SNRPN: variants seen among roughly 807,000 people sequenced by gnomAD.
SNRPN encodes small nuclear ribonucleoprotein polypeptide N.
Under a neutral mutation model 25.2 loss-of-function variants are expected in SNRPN, and 7 were observed. The observed-to-expected ratio is 0.28, with a 90% CI of 0.16 to 0.52. The LOEUF is 0.52. Ranked by LOEUF, SNRPN falls within the 20% of genes least tolerant of loss-of-function variation. The pLI, the probability that SNRPN is intolerant of heterozygous loss-of-function variation, is 0.96. For missense variants in SNRPN, 196 were observed against 322.5 expected (o/e 0.61, Z 3.00); for synonymous variants, 124 against 110.6 (o/e 1.12, Z -0.76).
intron 3 of SNRPN, among the ~76,000 whole-genome samples, chr15:24,947,009 A>T (rs1019430098): frequency 9.9e-5 from 15 of 152,192 alleles, no homozygotes; most frequent in Middle Eastern, 3.4e-3. Context: ...CTGAATTTTT[A>T]ATTTTGTTAT....
intron 1 of SNRPN, among the ~76,000 whole-genome samples, chr15:24,865,957 T>C (rs372610394): frequency 6.6e-6 from 1 of 152,172 alleles, no homozygotes; most frequent in Non-Finnish European, 1.5e-5. Flanking sequence ...TTAATTCTCA[T>C]AGAGGAGTGT....
At chr15:24,851,427 G>A (rs759478120) in intron 2 of SNRPN, 2 of 152,828 alleles carry the variant, frequency 1.3e-5, no homozygotes, top group Non-Finnish European at 2.9e-5. Flanking sequence ...TCTGGAGAGC[G>A]TGGAGCAGTG....
At chr15:24,930,639 C>T (rs997115479) in intron 3 of SNRPN, among the ~76,000 whole-genome samples, 2 of 148,448 alleles carry the variant, frequency 1.3e-5, no homozygotes, top group African/African-American at 2.5e-5. Context: ...CGCCTGTAAT[C>T]CCAGTAAATC....
At chr15:24,909,600 CTA>C in intron 2 of SNRPN, 2 of 1,237,242 alleles carry the variant, frequency 1.6e-6, no homozygotes, top group East Asian at 4.6e-5. Context: ...GCTGTGCAGA[CTA>C]TCATATCCCC....
rs10626759 is a variant in SNRPN, at chr15:24,956,354, C to CGG, written c.-391+1298_-391+1299dup. Among the ~76,000 whole-genome samples, 182 of 138,218 alleles carry CGG rather than the reference C, an allele frequency of 1.3e-3. 6 individuals are homozygous for CGG. The highest frequency in any genetic ancestry group is 4.5e-3 in the African/African-American group (164 of 36,538). 90.7% of individuals were successfully genotyped at this position (138,218 alleles called of 152,430 possible). On this transcript the variant is annotated intron_variant, in intron 1 of 9. Transcript: ENST00000390687. Reference sequence around the variant, plus strand: ...GCTTAGATCTGCGCAAGCGCTTCAGCGGGGGGGTGGCCGCTTCCTCCCTGT... The same window carrying CGG: ...GCTTAGATCTGCGCAAGCGCTTCAGCGGGGGGGGGTGGCCGCTTCCTCCCTGT...
intron 1 of SNRPN, among the ~76,000 whole-genome samples, chr15:24,866,970 CA>C (rs1384849145): frequency 6.6e-6 from 1 of 152,022 alleles, no homozygotes; most frequent in Non-Finnish European, 1.5e-5. Flanking sequence ...CTATTGTGAA[CA>C]ATGTTAAACA....
At chr15:24,910,282 A>G (rs1210070988) in intron 2 of SNRPN, among the ~76,000 whole-genome samples, 2 of 152,192 alleles carry the variant, frequency 1.3e-5, no homozygotes, top group African/African-American at 4.8e-5. Flanking sequence ...AACTGCTTAT[A>G]GTAAACTGTG....
At chr15:24,968,451 A>G (rs1462385272) in intron 3 of SNRPN, 1 of 165,972 alleles carries the variant, frequency 6.0e-6, no homozygotes, top group Non-Finnish European at 1.3e-5. Flanking sequence ...TTTAGTAGAT[A>G]GCTTTGTATA....
At chr15:24,832,090 T>G (rs929050002) in intron 2 of SNRPN, among the ~76,000 whole-genome samples, 2 of 151,908 alleles carry the variant, frequency 1.3e-5, no homozygotes, top group Admixed American at 6.6e-5. Context: ...TTCCCATAAT[T>G]ACTATATTGT....
chr15:24,968,905 ATTTGT>A (rs1451120770), intron 3 of SNRPN: 1 of 151,664 alleles, frequency 6.6e-6, no homozygotes, highest in Non-Finnish European at 1.5e-5. Context: ...GTCGATTTTG[ATTTGT>A]TTTCTTGTTT....
At chr15:24,963,600 G>A (rs1370892489) in intron 2 of SNRPN, among the ~76,000 whole-genome samples, 1 of 149,190 alleles carries the variant, frequency 6.7e-6, no homozygotes, top group African/African-American at 2.5e-5. Flanking sequence ...GGGTGACAGA[G>A]CAAGACTCCA....
At chr15:24,939,348 G>A (rs1255530807) in intron 3 of SNRPN, among the ~76,000 whole-genome samples, 1 of 152,152 alleles carries the variant, frequency 6.6e-6, no homozygotes, top group Non-Finnish European at 1.5e-5. Flanking sequence ...GTGATGCTGA[G>A]CATCTTTGGA....
rs1483460941 is a variant in SNRPN at position 24,872,886 on chromosome 15, AAAAAAAAAAAT to A, written c.-578-13628_-578-13618del. On this transcript the variant is annotated intron_variant, in intron 1 of 11. Transcript: ENST00000400097. ...GACTCCGTCTCAAAAAAAAAAAAAAAAAAAAAAAAATAGTTTTCCTCATTGAATTGCCTTGG... is the reference window on the plus strand; with the variant it reads ...GACTCCGTCTCAAAAAAAAAAAAAAAAGTTTTCCTCATTGAATTGCCTTGG... 1.5e-4 allele frequency among the ~76,000 whole-genome samples: 13 copies of A among 87,312 alleles called. 1 individual carries two copies. The South Asian group carries it at 1.6e-3, about 11-fold the overall frequency. The allele number at this position is 87,312 out of a possible 152,430, so 57.3% of individuals were successfully genotyped here.
intron 1 of SNRPN, among the ~76,000 whole-genome samples, chr15:24,865,187 C>T (rs959734704): frequency 1.4e-4 from 21 of 151,998 alleles, no homozygotes; most frequent in Middle Eastern, 3.4e-3. Context: ...ACTGGGATTA[C>T]GGGCACCTGC....
In SNRPN at chr15:24,974,425, T is replaced by C; in HGVS notation, c.-29T>C. 6.2e-7 allele frequency: 1 copy of C among 1,612,462 alleles called. No individual in the cohort carries two copies. Among genetic ancestry groups the C allele is most frequent in the Non-Finnish European group, 8.5e-7 (1 of 1,178,500 alleles). ...CTTCAGAAGCATCAAGTTTTAACTG[T>C]GGACATTGGATTTGGTGGAACAGCA... On this transcript the variant is annotated 5_prime_UTR_variant, in exon 4 of 10. Transcript: ENST00000390687.
chr15:24,854,016 CTCAT>C (rs1400742301), upstream of SNRPN, among the ~76,000 whole-genome samples: 1 of 152,154 alleles, frequency 6.6e-6, no homozygotes. Flanking sequence ...TATTTTTTCA[CTCAT>C]TTATTTATAT....
upstream of SNRPN, among the ~76,000 whole-genome samples, chr15:24,853,133 T>A (rs2053036013): frequency 6.6e-6 from 1 of 152,096 alleles, no homozygotes; most frequent in South Asian, 2.1e-4. Flanking sequence ...CCACACACAG[T>A]TTTCCTTATT....
intron 1 of SNRPN, among the ~76,000 whole-genome samples, chr15:24,883,593 C>CT (rs1455587801): frequency 6.6e-6 from 1 of 152,232 alleles, no homozygotes; most frequent in Non-Finnish European, 1.5e-5. Context: ...ATCTTACACT[C>CT]TATCATTTCA....
At chr15:24,953,884 T>C (rs970259873), upstream of SNRPN, among the ~76,000 whole-genome samples, 1 of 152,212 alleles carries the variant, frequency 6.6e-6, no homozygotes, top group East Asian at 1.9e-4. Context: ...TTTGTTACGA[T>C]AGAAGTCAGC....
Sources: gnomAD v4.1 joint callset for allele counts (sites outside exome capture counted in the v4.1 genomes callset) on GRCh38, gnomAD v4.1.1 for gene constraint, MANE v1.5 for transcripts, NCBI Gene and HGNC (gene_info 2026-07-23, HGNC 2026-07-21) for gene names.